The following HLCS variants were observed in gnomAD, a reference collection of about 807,000 sequenced individuals.
HLCS encodes the protein holocarboxylase synthetase, also known as biotin--protein ligase.
Under a neutral mutation model 75.0 loss-of-function variants are expected in HLCS, and 53 were observed. That is an observed-to-expected ratio of 0.71 (90% CI 0.57 to 0.89). The LOEUF (loss-of-function observed/expected upper bound fraction) is 0.89. Ranked by LOEUF, HLCS falls within the 40% of genes least tolerant of loss-of-function variation. The pLI is 0.00. For synonymous variants in HLCS, 431 were observed against 428.6 expected (o/e 1.01, Z -0.07); for missense variants, 966 against 1,074.0 (o/e 0.90, Z 1.41).
chr21:36,988,394 T>A (rs971050347), intron 1 of HLCS, among the ~76,000 whole-genome samples: 5 of 152,222 alleles, frequency 3.3e-5, no homozygotes, highest in African/African-American at 1.2e-4. Context: ...GAGACCTTCC[T>A]CACTGTTTTT....
intron 6 of HLCS, among the ~76,000 whole-genome samples, chr21:36,807,817 A>G (rs1403993136): frequency 6.6e-6 from 1 of 152,182 alleles, no homozygotes; most frequent in Non-Finnish European, 1.5e-5. Context: ...CCTTCATTAA[A>G]GCAGACAGTT....
intron 6 of HLCS, among the ~76,000 whole-genome samples, chr21:36,882,200 T>C (rs1267797852): frequency 1.3e-5 from 2 of 151,880 alleles, no homozygotes; most frequent in African/African-American, 4.8e-5. Context: ...GAGAATGGCA[T>C]GAACCCGGAA....
rs148981273 is a variant in HLCS at position 36,938,880 on chromosome 21, C to T, written c.445G>A (p.Glu149Lys). The change falls in exon 3 of 11, where the codon GAA becomes AAA. Residue 149 changes from glutamate to lysine, a missense_variant. Coordinates refer to ENST00000674895, the MANE Select transcript of HLCS (RefSeq NM_001352514.2). ...CCATTATCCATGTGGAGTCTATCTTCCATGAACGCCACCCCCAGCTTGCTG... is the reference window on the plus strand; with the variant it reads ...CCATTATCCATGTGGAGTCTATCTTTCATGAACGCCACCCCCAGCTTGCTG... Reference protein sequence around the residue: ...NFSKLGVAFMEDRLHMDNGLV... With the variant: ...NFSKLGVAFMKDRLHMDNGLV... The T allele has an allele frequency of 1.6e-5, 26 of 1,613,996 alleles. No homozygotes were observed. Among genetic ancestry groups the T allele is most frequent in the Non-Finnish European group, 2.2e-5 (26 of 1,180,030 alleles).
intron 4 of HLCS, among the ~76,000 whole-genome samples, chr21:36,935,008 G>A (rs2066814556): frequency 1.3e-5 from 2 of 152,112 alleles, no homozygotes; most frequent in South Asian, 4.1e-4. Flanking sequence ...TAGTAATGGG[G>A]TCAATTTAAA....
chr21:36,841,027 G>A (rs967048748), intron 6 of HLCS, among the ~76,000 whole-genome samples: 1 of 151,936 alleles, frequency 6.6e-6, no homozygotes, highest in Non-Finnish European at 1.5e-5. Context: ...TGTTTGGGGT[G>A]GGTATTTTAT....
intron 8 of HLCS, among the ~76,000 whole-genome samples, chr21:36,761,347 G>A (rs181178428): frequency 8.0e-4 from 122 of 152,232 alleles, no homozygotes; most frequent in Admixed American, 2.0e-3. Flanking sequence ...TTTTGACTTC[G>A]GCCCGTTAGA....
chr21:36,818,355 TCAA>T (rs1422610193), intron 6 of HLCS, among the ~76,000 whole-genome samples: 1 of 152,214 alleles, frequency 6.6e-6, no homozygotes, highest in Non-Finnish European at 1.5e-5. Context: ...ATTAAAATTC[TCAA>T]CAACTTCACC....
chr21:36,801,029 C>T (rs575061359), intron 6 of HLCS, among the ~76,000 whole-genome samples: 94 of 152,286 alleles, frequency 6.2e-4, no homozygotes, highest in African/African-American at 2.2e-3. Flanking sequence ...CAACATTCGC[C>T]TGAATGGAGA....
rs574993217 is a variant in HLCS at position 36,790,420 on chromosome 21, A to C, written c.1893-23135T>G. ...CCCATCTCAAAACAAACAAACAAAC[A>C]AACAAAAAAACATTTTGGTGTGTGT... On this transcript the variant is annotated intron_variant, in intron 6 of 10. Transcript: ENST00000674895. Among the ~76,000 whole-genome samples, 1,116 of 152,244 alleles carry C rather than the reference A, an allele frequency of 7.3e-3. 5 individuals are homozygous for C. Among genetic ancestry groups the C allele is most frequent in the Non-Finnish European group, 0.012 (828 of 68,010 alleles).
chr21:36,877,446 C>A (rs1243740262), intron 6 of HLCS, among the ~76,000 whole-genome samples: 1 of 151,968 alleles, frequency 6.6e-6, no homozygotes, highest in Non-Finnish European at 1.5e-5. Flanking sequence ...CAATGTACAT[C>A]CTTACCTTTT....
intron 6 of HLCS, among the ~76,000 whole-genome samples, chr21:36,827,932 G>A (rs1601419695): frequency 6.6e-6 from 1 of 151,324 alleles, no homozygotes. Flanking sequence ...TCCTGCCTCA[G>A]CCTCCCAAGT....
intron 6 of HLCS, among the ~76,000 whole-genome samples, chr21:36,895,292 G>A (rs769309845): frequency 2.7e-4 from 41 of 152,158 alleles, no homozygotes; most frequent in East Asian, 1.2e-3. Context: ...TTACCCCTTC[G>A]ATATAATGAA....
chr21:36,886,614 TA>T (rs991367623), intron 6 of HLCS, among the ~76,000 whole-genome samples: 2 of 152,210 alleles, frequency 1.3e-5, no homozygotes, highest in Non-Finnish European at 2.9e-5. Flanking sequence ...TGTCCAATAG[TA>T]AAATGATACT....
intron 6 of HLCS, among the ~76,000 whole-genome samples, chr21:36,820,931 A>G (rs2061820903): frequency 6.6e-6 from 1 of 152,226 alleles, no homozygotes; most frequent in Non-Finnish European, 1.5e-5. Context: ...ACCAGAAAGT[A>G]GGATGCTGAG....
chr21:36,828,906 C>T (rs1227750760), intron 6 of HLCS, among the ~76,000 whole-genome samples: 1 of 152,120 alleles, frequency 6.6e-6, no homozygotes, highest in Non-Finnish European at 1.5e-5. Flanking sequence ...CCATGGGAGA[C>T]AAATGCACAA....
At position 36,756,343 on chromosome 21, in the gene HLCS, C is replaced by T. The variant is rs555264391; in HGVS notation, c.2450+199G>A. 4.0e-5 allele frequency among the ~76,000 whole-genome samples: 6 copies of T among 148,994 alleles called. No homozygotes were observed. In the South Asian group the frequency reaches 1.1e-3, roughly 26 times the overall value. ...GTCCCAGCTACTCAGGTGACTGAGACGAGAGACTGAGGCAGGAGAATGGCG... is the reference window on the plus strand; with the variant it reads ...GTCCCAGCTACTCAGGTGACTGAGATGAGAGACTGAGGCAGGAGAATGGCG... On this transcript the variant is annotated intron_variant, in intron 10 of 10. Transcript: ENST00000674895.
intron 6 of HLCS, among the ~76,000 whole-genome samples, chr21:36,787,292 T>C (rs936289173): frequency 1.3e-5 from 2 of 151,998 alleles, no homozygotes; most frequent in Admixed American, 6.6e-5. Context: ...ACCTCTTTGG[T>C]AGGCCATTTG....
At chr21:36,814,787 C>A (rs1331776755) in intron 6 of HLCS, among the ~76,000 whole-genome samples, 1 of 152,170 alleles carries the variant, frequency 6.6e-6, no homozygotes, top group South Asian at 2.1e-4. Flanking sequence ...GTCTGGAATT[C>A]TCCATTTCTA....
chr21:36,966,446 G>A lies in HLCS; in HGVS notation c.193C>T (p.Gln65Ter). Residue 65 changes from glutamine to a stop codon, truncating the protein, a stop_gained and splice_region_variant, in exon 1 of 11, where the codon CAG (glutamine) becomes TAG (stop). Coordinates refer to ENST00000674895, the MANE Select transcript of HLCS (RefSeq NM_001352514.2). LOFTEE classifies it high-confidence loss of function. ...GCCCGCCCGCCCGACCCGCCCACCTGGCTGTCGCTGACGCAGAAGACGCGG... is the reference window on the plus strand; with the variant it reads ...GCCCGCCCGCCCGACCCGCCCACCTAGCTGTCGCTGACGCAGAAGACGCGG... ...GGRVFCVSDSQSIEDLNKWAL... is the reference protein window; with the variant it reads ...GGRVFCVSDS The A allele has an allele frequency of 5.7e-6, 1 of 175,320 alleles. No homozygotes were observed. The highest frequency in any genetic ancestry group is 2.2e-4 in the South Asian group (1 of 4,594). 10.9% of individuals were successfully genotyped at this position (175,320 alleles called of 1,614,324 possible).
Sources: gnomAD v4.1 joint callset for allele counts (sites outside exome capture counted in the v4.1 genomes callset) on GRCh38, gnomAD v4.1.1 for gene constraint, MANE v1.5 for transcripts, NCBI Gene and HGNC (gene_info 2026-07-23, HGNC 2026-07-21) for gene names.